The following THADA variants were observed in gnomAD, a reference collection of about 807,000 sequenced individuals.
The protein encoded by THADA is tRNA (32-2'-O)-methyltransferase regulator THADA.
THADA carries 213 observed loss-of-function variants against 219.8 expected under a neutral mutation model. The observed-to-expected ratio is 0.97, with a 90% CI of 0.87 to 1.09. The LOEUF is 1.09. Ranked by LOEUF, THADA falls within the 50% of genes least tolerant of loss-of-function variation. THADA has a pLI of 0.00. For synonymous variants in THADA, 1,018 were observed against 828.9 expected (o/e 1.23, Z -3.92); for missense variants, 2,956 against 2,311.3 (o/e 1.28, Z -5.72).
Position 43,297,474 on chromosome 2 carries a change from C to T in THADA, c.4439-4261G>A, listed in dbSNP as rs1675606857. Among the ~76,000 whole-genome samples the T allele has an allele frequency of 3.6e-5, 4 of 111,134 alleles. 1 individual carries two copies. In the South Asian group the frequency reaches 1.2e-3, roughly 34 times the overall value. 72.9% of individuals were successfully genotyped at this position (111,134 alleles called of 152,430 possible). ...GGGGGGGGTCAGCCCCCCGCCCGGC[C>T]AGCCGCCCCATCCGGGAGGGAGGTG... On this transcript the variant is annotated intron_variant, in intron 31 of 37. Transcript: ENST00000405975.
At chr2:43,446,415 C>T (rs1329476873) in intron 26 of THADA, among the ~76,000 whole-genome samples, 1 of 152,196 alleles carries the variant, frequency 6.6e-6, no homozygotes, top group African/African-American at 2.4e-5. Context: ...AGCATGGCAG[C>T]TTCTGGGTTC....
intron 22 of THADA, among the ~76,000 whole-genome samples, chr2:43,520,986 A>AG (rs1489819467): frequency 3.1e-4 from 13 of 42,240 alleles, no homozygotes; most frequent in Non-Finnish European, 2.7e-4. Context: ...GGAGGAAGGG[A>AG]GGAAAGGGAG....
At chr2:43,391,830 C>T (rs1349423450) in intron 29 of THADA, 1 of 152,172 alleles carries the variant, frequency 6.6e-6, no homozygotes, top group Non-Finnish European at 1.5e-5. Context: ...AGAAACTCTG[C>T]CTTAACCCTT....
At chr2:43,519,455 A>G (rs1418156856) in intron 22 of THADA, among the ~76,000 whole-genome samples, 2 of 152,194 alleles carry the variant, frequency 1.3e-5, no homozygotes, top group African/African-American at 4.8e-5. Context: ...CCTGGGTTAT[A>G]TAGAGAAGAT....
At chr2:43,352,848 G>A (rs892071526) in intron 29 of THADA, among the ~76,000 whole-genome samples, 4 of 152,146 alleles carry the variant, frequency 2.6e-5, no homozygotes, top group Non-Finnish European at 2.9e-5. Context: ...TTCATCCCGC[G>A]TAATTGCTAC....
chr2:43,388,861 T>A (rs1402201785), intron 29 of THADA, among the ~76,000 whole-genome samples: 3 of 152,220 alleles, frequency 2.0e-5, no homozygotes, highest in Admixed American at 1.3e-4. Flanking sequence ...TTAATTTTTT[T>A]AAACACATTT....
intron 26 of THADA, among the ~76,000 whole-genome samples, chr2:43,474,584 G>T (rs936970086): frequency 1.3e-5 from 2 of 152,128 alleles, no homozygotes; most frequent in African/African-American, 4.8e-5. Context: ...AAAAAATGTT[G>T]AATCATCTAA....
At chr2:43,419,822 ATT>A (rs34881614) in intron 28 of THADA, among the ~76,000 whole-genome samples, 1 of 151,908 alleles carries the variant, frequency 6.6e-6, no homozygotes, top group African/African-American at 2.4e-5. Flanking sequence ...CTAAATTTAA[ATT>A]TTTTTTCCCA....
chr2:43,412,595 C>T (rs1221660734), intron 28 of THADA, among the ~76,000 whole-genome samples: 2 of 152,116 alleles, frequency 1.3e-5, no homozygotes, highest in African/African-American at 4.8e-5. Flanking sequence ...GTTCTCCACT[C>T]CCCTATATAC....
At chr2:43,498,768 T>C in intron 25 of THADA, 65 bp downstream of exon 25, 5 of 1,484,950 alleles carry the variant, frequency 3.4e-6, no homozygotes, top group Non-Finnish European at 1.8e-6. Flanking sequence ...AGTGAAAGAT[T>C]AGTTTATTAA....
chr2:43,437,817 C>T (rs1025315296), intron 26 of THADA, among the ~76,000 whole-genome samples: 3 of 152,056 alleles, frequency 2.0e-5, no homozygotes, highest in Admixed American at 6.6e-5. Context: ...AATAAAAATA[C>T]AGGCCACAAA....
intron 29 of THADA, among the ~76,000 whole-genome samples, chr2:43,354,850 G>A (rs1326642250): frequency 6.6e-6 from 1 of 152,142 alleles, no homozygotes. Flanking sequence ...TGAATCATGG[G>A]GGTGGTTATC....
chr2:43,362,543 C>G (rs1457596975), intron 29 of THADA, among the ~76,000 whole-genome samples: 1 of 152,194 alleles, frequency 6.6e-6, no homozygotes, highest in East Asian at 1.9e-4. Context: ...GTATAGAGCA[C>G]TCATCATGAG....
At chr2:43,533,154 G>A (rs1012076814) in intron 21 of THADA, among the ~76,000 whole-genome samples, 1 of 152,138 alleles carries the variant, frequency 6.6e-6, no homozygotes, top group Non-Finnish European at 1.5e-5. Context: ...ATCATCACTG[G>A]TCATTAGAGA....
At chr2:43,593,756 C>T (rs1404941554) in intron 1 of THADA, among the ~76,000 whole-genome samples, 1 of 151,864 alleles carries the variant, frequency 6.6e-6, no homozygotes, top group African/African-American at 2.4e-5. Context: ...GCCTCAGCCT[C>T]CCGAGTAGCT....
chr2:43,433,200 G>C (rs962338583), intron 26 of THADA, among the ~76,000 whole-genome samples: 1 of 151,522 alleles, frequency 6.6e-6, no homozygotes, highest in African/African-American at 2.4e-5. Context: ...TTAATCGGGA[G>C]ATTTTTTTTG....
chr2:43,556,009 T>C, intron 17 of THADA: 1 of 283,010 alleles, frequency 3.5e-6, no homozygotes. Flanking sequence ...TCCACCTATA[T>C]AGAAACAATA....
At chr2:43,397,652 T>C (rs1021064130) in intron 29 of THADA, among the ~76,000 whole-genome samples, 2 of 151,806 alleles carry the variant, frequency 1.3e-5, no homozygotes, top group Non-Finnish European at 2.9e-5. Flanking sequence ...CCAGAATGTT[T>C]TGCAGGCATA....
At chr2:43,542,322 C>A (rs1695432735) in intron 20 of THADA, among the ~76,000 whole-genome samples, 1 of 151,970 alleles carries the variant, frequency 6.6e-6, no homozygotes, top group Non-Finnish European at 1.5e-5. Context: ...GGAGAGGAAA[C>A]CTTGGAGGAA....
Sources: allele counts gnomAD v4.1 joint callset (sites outside exome capture counted in the v4.1 genomes callset), GRCh38; gene constraint gnomAD v4.1.1; transcripts MANE v1.5; gene names NCBI Gene and HGNC (gene_info 2026-07-23, HGNC 2026-07-21).